C7orf78: variants seen among roughly 807,000 people sequenced by gnomAD.
The protein encoded by C7orf78 is chromosome 7 open reading frame 78, also known as putative uncharacterized protein C7orf78.
the C7orf78 span, among the ~76,000 whole-genome samples, chr7:12,509,617 T>G: frequency 6.6e-6 from 1 of 152,176 alleles, no homozygotes; most frequent in African/African-American, 2.4e-5. Context: ...CATAACCCCC[T>G]CTCACCAACT....
chr7:12,536,725 A>G, the C7orf78 span, among the ~76,000 whole-genome samples: 43,348 of 152,082 alleles, frequency 0.29, 7,211 homozygotes, highest in African/African-American at 0.45. Context: ...CACGTCTTAA[A>G]TGCTTGGCTG....
chr7:12,516,652 C>A, the C7orf78 span, among the ~76,000 whole-genome samples: 1 of 152,220 alleles, frequency 6.6e-6, no homozygotes, highest in African/African-American at 2.4e-5. Flanking sequence ...TGCAAAGCCA[C>A]AGGGGAGGAG....
the C7orf78 span, among the ~76,000 whole-genome samples, chr7:12,499,258 CTA>C: frequency 6.6e-6 from 1 of 151,856 alleles, no homozygotes; most frequent in African/African-American, 2.4e-5. Context: ...TGTAAATGGA[CTA>C]AATGCTCCAA....
At chr7:12,495,714 A>C in the C7orf78 span, among the ~76,000 whole-genome samples, 1 of 152,198 alleles carries the variant, frequency 6.6e-6, no homozygotes, top group South Asian at 2.1e-4. Flanking sequence ...AACTTATAGA[A>C]TATTTCAAGT....
At chr7:12,523,464 G>C in the C7orf78 span, 2 of 397,640 alleles carry the variant, frequency 5.0e-6, no homozygotes, top group African/African-American at 2.1e-5. Context: ...ATTTAAGATA[G>C]ATAAGGGGAA....
At chr7:12,520,291 G>A in the C7orf78 span, among the ~76,000 whole-genome samples, 2 of 152,218 alleles carry the variant, frequency 1.3e-5, no homozygotes, top group Non-Finnish European at 2.9e-5. Context: ...TCTGGAGAAG[G>A]CAAGTGCCCG....
chr7:12,525,160 G>T, the C7orf78 span, among the ~76,000 whole-genome samples: 1 of 151,904 alleles, frequency 6.6e-6, no homozygotes, highest in Non-Finnish European at 1.5e-5. Flanking sequence ...ATATAACCCT[G>T]TTTAATTTCT....
the C7orf78 span, among the ~76,000 whole-genome samples, chr7:12,535,446 T>A: frequency 6.6e-6 from 1 of 152,142 alleles, no homozygotes; most frequent in African/African-American, 2.4e-5. Flanking sequence ...ACTGTCCCCA[T>A]GATTCAATTA....
At chr7:12,522,080 CA>C in the C7orf78 span, among the ~76,000 whole-genome samples, 1 of 152,030 alleles carries the variant, frequency 6.6e-6, no homozygotes, top group Non-Finnish European at 1.5e-5. Context: ...AGTTTCCCTT[CA>C]CTTGCAACTT....
chr7:12,497,236 T>G, the C7orf78 span, among the ~76,000 whole-genome samples: 1 of 151,874 alleles, frequency 6.6e-6, no homozygotes, highest in African/African-American at 2.4e-5. Flanking sequence ...GATGGCCGAA[T>G]AGGAACAGCT....
the C7orf78 span, among the ~76,000 whole-genome samples, chr7:12,520,922 A>AAGAAGATAT: frequency 6.6e-6 from 1 of 152,168 alleles, no homozygotes. Context: ...TATATTTGCT[A>AAGAAGATAT]TTGTTATATC....
the C7orf78 span, among the ~76,000 whole-genome samples, chr7:12,490,010 A>G: frequency 4.6e-5 from 7 of 152,180 alleles, no homozygotes; most frequent in African/African-American, 1.7e-4. Context: ...TACTATCACA[A>G]TCTTATATTT....
chr7:12,498,629 A>G, the C7orf78 span, among the ~76,000 whole-genome samples: 5 of 152,212 alleles, frequency 3.3e-5, no homozygotes, highest in Non-Finnish European at 7.3e-5. Flanking sequence ...GAAAGTGACC[A>G]GGAGAATGGA....
the C7orf78 span, among the ~76,000 whole-genome samples, chr7:12,524,229 G>A: frequency 3.0e-3 from 457 of 152,236 alleles, 2 homozygotes; most frequent in African/African-American, 0.011. Flanking sequence ...GGTTAATAAT[G>A]CTACATACTT....
At chr7:12,510,967 C>T in the C7orf78 span, among the ~76,000 whole-genome samples, 1 of 152,088 alleles carries the variant, frequency 6.6e-6, no homozygotes, top group Admixed American at 6.6e-5. Context: ...TTGCCTAAAC[C>T]AATGTCCTGA....
chr7:12,522,651 T>G, the C7orf78 span, among the ~76,000 whole-genome samples: 1 of 152,154 alleles, frequency 6.6e-6, no homozygotes, highest in South Asian at 2.1e-4. Context: ...CTCATAATAC[T>G]TGCAATATCT....
At chr7:12,539,838 G>C in the C7orf78 span, among the ~76,000 whole-genome samples, 426 of 152,310 alleles carry the variant, frequency 2.8e-3, 3 homozygotes, top group African/African-American at 9.3e-3. Flanking sequence ...CAGGAACTAG[G>C]GAGAGGCAAG....
the C7orf78 span, among the ~76,000 whole-genome samples, chr7:12,524,131 A>G: frequency 6.6e-6 from 1 of 152,316 alleles, no homozygotes; most frequent in Admixed American, 6.5e-5. Flanking sequence ...AGTTAAGAGC[A>G]TGGCTTCTAA....
the C7orf78 span, among the ~76,000 whole-genome samples, chr7:12,492,406 A>G: frequency 4.8e-4 from 73 of 152,334 alleles, no homozygotes; most frequent in South Asian, 0.014. Flanking sequence ...GGCTTTAAGG[A>G]CATTTAAGTA....
Sources: gnomAD v4.1 joint callset for allele counts (sites outside exome capture counted in the v4.1 genomes callset) on GRCh38, gnomAD v4.1.1 for gene constraint, MANE v1.5 for transcripts, NCBI Gene and HGNC (gene_info 2026-07-23, HGNC 2026-07-21) for gene names.